The following SMYD3 variants were observed in gnomAD, a reference collection of about 807,000 sequenced individuals.
The protein encoded by SMYD3 is SET and MYND domain containing 3.
SMYD3 carries 36 observed loss-of-function variants against 57.7 expected under a neutral mutation model. The ratio of observed to expected loss-of-function variants is 0.62; its 90% confidence interval spans 0.48 to 0.82. SMYD3 has a LOEUF of 0.82. Among genes scored for constraint, SMYD3 ranks in the 40% least tolerant of loss-of-function variants. The pLI, the probability that SMYD3 is intolerant of heterozygous loss-of-function variation, is 0.00. For missense variants in SMYD3, 515 were observed against 538.8 expected, an observed-to-expected ratio of 0.96 and a Z score of 0.44; for synonymous variants, 211 against 195.0, an observed-to-expected ratio of 1.08 and a Z score of -0.68.
chr1:245,981,580 A>G (rs546791119), intron 5 of SMYD3, among the ~76,000 whole-genome samples: 10 of 152,350 alleles, frequency 6.6e-5, no homozygotes, highest in African/African-American at 2.4e-4. Flanking sequence ...TCAGAAACCA[A>G]ACATTTATAA....
At chr1:245,909,607 C>A (rs1158675566) in intron 8 of SMYD3, among the ~76,000 whole-genome samples, 2 of 151,818 alleles carry the variant, frequency 1.3e-5, no homozygotes, top group African/African-American at 4.8e-5. Flanking sequence ...TTAAAAAGAT[C>A]ATTCATCATA....
intron 1 of SMYD3, among the ~76,000 whole-genome samples, chr1:246,474,361 T>C (rs2067999878): frequency 2.0e-5 from 3 of 151,672 alleles, no homozygotes; most frequent in Admixed American, 2.0e-4. Context: ...CTACCAAAAA[T>C]ACAAAAAATT....
intron 3 of SMYD3, among the ~76,000 whole-genome samples, chr1:246,331,808 A>G (rs988128923): frequency 6.6e-6 from 1 of 152,248 alleles, no homozygotes; most frequent in Non-Finnish European, 1.5e-5. Context: ...GAATTCTCAC[A>G]ATATTTCAAA....
chr1:246,176,583 C>T (rs2062438131), intron 5 of SMYD3, among the ~76,000 whole-genome samples: 1 of 152,138 alleles, frequency 6.6e-6, no homozygotes, highest in South Asian at 2.1e-4. Flanking sequence ...TGCAGTGGCG[C>T]AAGATCACAG....
At chr1:246,028,516 A>G (rs946055633) in intron 5 of SMYD3, among the ~76,000 whole-genome samples, 1 of 152,194 alleles carries the variant, frequency 6.6e-6, no homozygotes, top group African/African-American at 2.4e-5. Context: ...CTAACAATAA[A>G]TTTATTGAAG....
chr1:246,478,511 C>T (rs2068057947), intron 1 of SMYD3, among the ~76,000 whole-genome samples: 1 of 114,292 alleles, frequency 8.7e-6, no homozygotes. Flanking sequence ...TGTCCTCTGT[C>T]CTGGAGCTGG....
chr1:246,281,001 A>G (rs1465203583), intron 5 of SMYD3, among the ~76,000 whole-genome samples: 2 of 152,236 alleles, frequency 1.3e-5, no homozygotes, highest in Non-Finnish European at 2.9e-5. Context: ...AGTATCTCCT[A>G]TAGCCTATGA....
At chr1:246,031,522 A>G (rs994465643) in intron 5 of SMYD3, among the ~76,000 whole-genome samples, 6 of 152,160 alleles carry the variant, frequency 3.9e-5, no homozygotes, top group African/African-American at 1.4e-4. Flanking sequence ...CAGATCACGA[A>G]GTCAGGAGAT....
intron 5 of SMYD3, among the ~76,000 whole-genome samples, chr1:246,131,102 CAT>C: frequency 6.6e-6 from 1 of 152,288 alleles, no homozygotes; most frequent in South Asian, 2.1e-4. Flanking sequence ...AAAATCAGCA[CAT>C]GTTCTACTTT....
intron 5 of SMYD3, among the ~76,000 whole-genome samples, chr1:246,317,952 T>C (rs1489577877): frequency 6.6e-6 from 1 of 152,194 alleles, no homozygotes; most frequent in Non-Finnish European, 1.5e-5. Flanking sequence ...TCATCATTCC[T>C]TGAAGAACTT....
chr1:245,804,202 C>T (rs187843829), intron 10 of SMYD3, among the ~76,000 whole-genome samples: 13 of 152,284 alleles, frequency 8.5e-5, no homozygotes, highest in African/African-American at 1.4e-4. Flanking sequence ...TGAGGCACCG[C>T]GCCCAGCTGA....
chr1:245,980,620 G>C (rs1451900227), intron 5 of SMYD3, among the ~76,000 whole-genome samples: 1 of 152,172 alleles, frequency 6.6e-6, no homozygotes, highest in African/African-American at 2.4e-5. Context: ...GAGGCTTTTT[G>C]GGAAACCTAT....
At chr1:245,854,384 G>T (rs1192007629) in intron 10 of SMYD3, among the ~76,000 whole-genome samples, 3 of 152,126 alleles carry the variant, frequency 2.0e-5, no homozygotes, top group Non-Finnish European at 4.4e-5. Flanking sequence ...TTACCCTATG[G>T]ATTCAATTAA....
intron 1 of SMYD3, among the ~76,000 whole-genome samples, chr1:246,371,568 T>C (rs1259347726): frequency 6.6e-6 from 1 of 152,218 alleles, no homozygotes; most frequent in Non-Finnish European, 1.5e-5. Flanking sequence ...CTATTGCTAG[T>C]ACAAATATCA....
Position 245,852,803 on chromosome 1 carries a change from G to A in SMYD3, c.1076+5693C>T, listed in dbSNP as rs1009672796. On this transcript the variant is annotated intron_variant, in intron 10 of 11. Transcript: ENST00000490107. ...TTTTTAAAAATGCTTGGGTCTTGAC[G>A]GACCCTTCGCCCATCACTGTGCAGG... Among the ~76,000 whole-genome samples, 19 of 152,090 alleles carry A rather than the reference G, an allele frequency of 1.2e-4. 1 individual carries two copies. The highest frequency in any genetic ancestry group is 9.2e-4 in the Admixed American group (14 of 15,258).
At chr1:245,899,445 C>T (rs1012365050) in intron 8 of SMYD3, among the ~76,000 whole-genome samples, 12 of 152,078 alleles carry the variant, frequency 7.9e-5, no homozygotes, top group East Asian at 5.8e-4. Context: ...AAAACAGGAG[C>T]GGGGAGGGGC....
intron 5 of SMYD3, among the ~76,000 whole-genome samples, chr1:246,217,341 AC>A (rs1438559095): frequency 1.3e-5 from 2 of 152,068 alleles, no homozygotes; most frequent in African/African-American, 2.4e-5. Context: ...ACGTAGGGAG[AC>A]CCTGTCTCTA....
At chr1:246,083,213 C>A (rs939861240) in intron 5 of SMYD3, among the ~76,000 whole-genome samples, 1 of 152,004 alleles carries the variant, frequency 6.6e-6, no homozygotes, top group African/African-American at 2.4e-5. Context: ...TGGAATGTCT[C>A]CGTGTAAAAC....
At chr1:246,145,665 G>C (rs139353982) in intron 5 of SMYD3, among the ~76,000 whole-genome samples, 1 of 152,140 alleles carries the variant, frequency 6.6e-6, no homozygotes, top group Non-Finnish European at 1.5e-5. Context: ...AGTAAGTAGC[G>C]TAAGCCTCTT....
Sources: allele counts gnomAD v4.1 joint callset (sites outside exome capture counted in the v4.1 genomes callset), GRCh38; gene constraint gnomAD v4.1.1; transcripts MANE v1.5; gene names NCBI Gene and HGNC (gene_info 2026-07-23, HGNC 2026-07-21).